The following SOX6 variants were observed in gnomAD, a reference collection of about 807,000 sequenced individuals.
The protein encoded by SOX6 is transcription factor SOX-6.
In SOX6, 11 loss-of-function variants were observed where a neutral mutation model predicts 97.8. The observed-to-expected ratio is 0.11, with a 90% CI of 0.07 to 0.19. The LOEUF is 0.19. SOX6 is among the 10% of genes least tolerant of loss of function. SOX6 has a pLI of 1.00. For missense variants in SOX6, 810 were observed against 1,039.5 expected (o/e 0.78, Z 3.04); for synonymous variants, 360 against 371.4 (o/e 0.97, Z 0.35).
chr11:16,342,653 A>G lies in SOX6; in HGVS notation c.-4-1401T>C, dbSNP rs1338327470. Reference sequence around the variant, plus strand: ...AAAGAAAAATAATTAAGTTAATTCCAATTTAAACAGTAGTTTTTATGTAGC... The same window carrying G: ...AAAGAAAAATAATTAAGTTAATTCCGATTTAAACAGTAGTTTTTATGTAGC... On this transcript the variant is annotated intron_variant, in intron 1 of 15. Transcript: ENST00000683767. 2.6e-5 allele frequency among the ~76,000 whole-genome samples: 4 copies of G among 151,980 alleles called. No homozygotes were observed. The East Asian group carries it at 7.7e-4, about 29-fold the overall frequency.
At chr11:16,266,503 C>A (rs1854087814) in intron 3 of SOX6, among the ~76,000 whole-genome samples, 1 of 151,410 alleles carries the variant, frequency 6.6e-6, no homozygotes. Flanking sequence ...ACAGAAATAA[C>A]AATAACATGG....
chr11:16,589,525 T>G (rs1328211243), intron 4 of SOX6, among the ~76,000 whole-genome samples: 3 of 152,134 alleles, frequency 2.0e-5, no homozygotes, highest in East Asian at 3.8e-4. Context: ...AGGATAATAT[T>G]AATAATGTAG....
At chr11:16,335,246 A>AT (rs1856421900) in intron 2 of SOX6, among the ~76,000 whole-genome samples, 1 of 152,168 alleles carries the variant, frequency 6.6e-6, no homozygotes, top group Non-Finnish European at 1.5e-5. Context: ...AAGGATGGCC[A>AT]TTTTCACCTG....
chr11:16,238,463 TAGTA>T (rs1411420960), intron 3 of SOX6, among the ~76,000 whole-genome samples: 2 of 152,068 alleles, frequency 1.3e-5, no homozygotes, highest in African/African-American at 4.8e-5. Flanking sequence ...CTAATTAACT[TAGTA>T]ATTAATTTTA....
At chr11:16,281,217 A>G (rs2134242794) in intron 3 of SOX6, among the ~76,000 whole-genome samples, 1 of 152,214 alleles carries the variant, frequency 6.6e-6, no homozygotes, top group Non-Finnish European at 1.5e-5. Context: ...AAGATGTCAA[A>G]TGTTCAGAAG....
chr11:16,034,124 A>G (rs1190411962), intron 12 of SOX6, among the ~76,000 whole-genome samples: 1 of 152,202 alleles, frequency 6.6e-6, no homozygotes, highest in Admixed American at 6.5e-5. Context: ...ATCTCAACAT[A>G]GGCAAGAGAA....
At chr11:16,085,990 T>G (rs1044869526) in intron 9 of SOX6, among the ~76,000 whole-genome samples, 2 of 152,198 alleles carry the variant, frequency 1.3e-5, no homozygotes, top group Non-Finnish European at 2.9e-5. Flanking sequence ...CCTAAAGGTC[T>G]TCCTTCTCCT....
chr11:16,193,705 C>T (rs1005887455), intron 4 of SOX6, among the ~76,000 whole-genome samples: 11 of 152,118 alleles, frequency 7.2e-5, no homozygotes, highest in African/African-American at 2.2e-4. Flanking sequence ...TCCAAAGCAA[C>T]ATCAATCAAG....
At chr11:16,637,237 T>A (rs1295266247) in intron 3 of SOX6, among the ~76,000 whole-genome samples, 2 of 152,222 alleles carry the variant, frequency 1.3e-5, no homozygotes, top group Non-Finnish European at 2.9e-5. Context: ...TCTTTTTATT[T>A]TGAGATGCAG....
At chr11:16,713,378 A>C (rs181602499) in intron 3 of SOX6, among the ~76,000 whole-genome samples, 1,174 of 108,044 alleles carry the variant, frequency 0.011, 14 homozygotes, top group African/African-American at 0.03. Flanking sequence ...TCTATTTTAC[A>C]TTACATAAAT....
At chr11:16,652,415 C>T (rs149710331) in intron 3 of SOX6, among the ~76,000 whole-genome samples, 3,635 of 152,144 alleles carry the variant, frequency 0.024, 71 homozygotes, top group Middle Eastern at 0.068. Context: ...AAAATAGGTA[C>T]ATAGACCAAT....
rs1853967391 is a variant in SOX6 at position 15,989,236 on chromosome 11, A to G, written c.1733-6T>C. 3 of 1,588,874 alleles carry G rather than the reference A, an allele frequency of 1.9e-6. No homozygotes were observed. In the African/African-American group the frequency reaches 4.0e-5, roughly 21 times the overall value. On this transcript the variant is annotated splice_region_variant and splice_polypyrimidine_tract_variant and intron_variant, in intron 13 of 15. Coordinates refer to ENST00000683767, the MANE Select transcript of SOX6 (RefSeq NM_001367873.1). ...GCCATTCATTGCTTTACTTCCTGTA[A>G]TGTCAGGGCAGGAAGAACAAGATGA...
chr11:16,065,032 G>C (rs1190917476), intron 9 of SOX6, among the ~76,000 whole-genome samples: 1 of 151,582 alleles, frequency 6.6e-6, no homozygotes, highest in African/African-American at 2.4e-5. Context: ...TCAGACAAGA[G>C]AAAAAAACAA....
At chr11:16,419,424 T>C (rs1229105410) in intron 1 of SOX6, among the ~76,000 whole-genome samples, 1 of 152,072 alleles carries the variant, frequency 6.6e-6, no homozygotes, top group Non-Finnish European at 1.5e-5. Flanking sequence ...CAGTATTTTA[T>C]TACAATTAAA....
At chr11:16,320,815 C>CT (rs1267621943) in intron 2 of SOX6, among the ~76,000 whole-genome samples, 4 of 152,012 alleles carry the variant, frequency 2.6e-5, no homozygotes, top group Non-Finnish European at 4.4e-5. Flanking sequence ...TGAGATAAAT[C>CT]TTAATTTTTT....
At chr11:16,349,805 A>G (rs1027260549) in intron 1 of SOX6, among the ~76,000 whole-genome samples, 1 of 152,094 alleles carries the variant, frequency 6.6e-6, no homozygotes, top group Admixed American at 6.5e-5. Flanking sequence ...TCCTACAGCT[A>G]ATGCCTGATA....
At chr11:16,497,609 C>G (rs568039022) in intron 4 of SOX6, among the ~76,000 whole-genome samples, 3 of 152,156 alleles carry the variant, frequency 2.0e-5, no homozygotes, top group South Asian at 4.2e-4. Flanking sequence ...AACCAATGTA[C>G]AGAAGTCCTT....
chr11:16,300,410 C>T lies in SOX6; in HGVS notation c.445+18036G>A, dbSNP rs1855224480. Among the ~76,000 whole-genome samples the T allele has an allele frequency of 6.6e-6, 1 of 152,156 alleles. No individual in the cohort carries two copies. The highest frequency in any genetic ancestry group is 6.5e-5 in the Admixed American group (1 of 15,270). On this transcript the variant is annotated intron_variant, in intron 3 of 15. Coordinates refer to ENST00000683767, the MANE Select transcript of SOX6 (RefSeq NM_001367873.1). The surrounding 1 kb of genome is among the most constrained non-coding windows in gnomAD (Gnocchi z 4.1). ...ATTATAACATTTTGCTCAGAGCTGA[C>T]ATTTTTATTCTGACAAGCACTGTCT...
chr11:16,345,940 T>C (rs766707982), intron 1 of SOX6, among the ~76,000 whole-genome samples: 15 of 152,050 alleles, frequency 9.9e-5, no homozygotes, highest in Non-Finnish European at 2.1e-4. Flanking sequence ...CATAGCAATA[T>C]ATTTAACTGA....
Sources: allele counts gnomAD v4.1 joint callset (sites outside exome capture counted in the v4.1 genomes callset), GRCh38; gene constraint gnomAD v4.1.1; non-coding constraint Gnocchi (gnomAD v3.1); transcripts MANE v1.5; gene names NCBI Gene and HGNC (gene_info 2026-07-23, HGNC 2026-07-21).